Variants in RNLS observed in about 807,000 individuals in gnomAD.
The protein encoded by RNLS is renalase, FAD dependent amine oxidase.
RNLS carries 39 observed loss-of-function variants against 39.8 expected under a neutral mutation model. That is an observed-to-expected ratio of 0.98 (90% CI 0.76 to 1.28). The LOEUF (loss-of-function observed/expected upper bound fraction) is 1.28, where lower values mean the gene tolerates loss of function less well. RNLS is among the 50% of genes most tolerant of loss of function. RNLS has a pLI of 0.00. For synonymous variants in RNLS, 147 were observed against 150.7 expected (o/e 0.98, Z 0.18); for missense variants, 410 against 413.3 (o/e 0.99, Z 0.07).
intron 5 of RNLS, among the ~76,000 whole-genome samples, chr10:88,316,441 G>A (rs898325811): frequency 5.9e-5 from 9 of 152,232 alleles, no homozygotes; most frequent in South Asian, 2.1e-4. Context: ...TCACAGTGAC[G>A]GGGTATCAAT....
chr10:88,462,867 T>C (rs1843006045), intron 4 of RNLS, among the ~76,000 whole-genome samples: 1 of 151,968 alleles, frequency 6.6e-6, no homozygotes, highest in African/African-American at 2.4e-5. Flanking sequence ...AAAAATCAAA[T>C]CAGTATCTCA....
the RNLS span, among the ~76,000 whole-genome samples, chr10:88,218,571 T>A: frequency 3.9e-4 from 59 of 152,194 alleles, 1 homozygote; most frequent in Non-Finnish European, 7.8e-4. Flanking sequence ...CCTGGAATAT[T>A]TGAAAGGGCC....
At chr10:88,244,160 T>G in the RNLS span, among the ~76,000 whole-genome samples, 3 of 152,248 alleles carry the variant, frequency 2.0e-5, no homozygotes, top group Non-Finnish European at 4.4e-5. Flanking sequence ...ATCCGGGGTC[T>G]GCATGCTTCC....
chr10:88,229,009 CA>C, the RNLS span, among the ~76,000 whole-genome samples: 3 of 152,204 alleles, frequency 2.0e-5, no homozygotes, highest in Admixed American at 2.0e-4. Context: ...ACTCCTCAGT[CA>C]ATCAATCAAT....
chr10:88,491,893 C>T (rs1180108925), intron 4 of RNLS, among the ~76,000 whole-genome samples: 1 of 150,722 alleles, frequency 6.6e-6, no homozygotes, highest in African/African-American at 2.4e-5. Context: ...ACCCAATTCT[C>T]ACCCAAAGTG....
chr10:88,384,133 G>T (rs1851719027), intron 4 of RNLS, among the ~76,000 whole-genome samples: 1 of 152,104 alleles, frequency 6.6e-6, no homozygotes, highest in South Asian at 2.1e-4. Context: ...GGCCTAAAAA[G>T]TCTAACATAT....
In RNLS at chr10:88,274,985, CAT is replaced by C; in HGVS notation, c.922_923del (p.Met308AspfsTer35). 1 of 1,613,432 alleles carries C rather than the reference CAT, an allele frequency of 6.2e-7. No homozygotes were observed. ...GTCAGATGGGAAATCCAATCGCCAT[CAT>C]CCAGGGGCTCTTCGCACATCCTAGA... On this transcript the variant is annotated frameshift_variant, in exon 7 of 7. Coordinates refer to the RNLS transcript ENST00000371947. LOFTEE classifies it high-confidence loss of function.
At chr10:88,533,767 G>A (rs2765454) in intron 4 of RNLS, among the ~76,000 whole-genome samples, 36,978 of 151,964 alleles carry the variant, frequency 0.24, 5,476 homozygotes, top group East Asian at 0.47. Flanking sequence ...AGAGAAACAG[G>A]TTTGGTGAGG....
intron 4 of RNLS, among the ~76,000 whole-genome samples, chr10:88,479,043 G>A (rs1444970481): frequency 6.6e-6 from 1 of 151,948 alleles, no homozygotes; most frequent in Non-Finnish European, 1.5e-5. Context: ...TACTTCATAG[G>A]GTTGTTGTGA....
At chr10:88,189,202 G>T in the RNLS span, among the ~76,000 whole-genome samples, 1 of 152,154 alleles carries the variant, frequency 6.6e-6, no homozygotes, top group Non-Finnish European at 1.5e-5. Flanking sequence ...ATAGATAGAT[G>T]AAAGTATTAA....
At chr10:88,280,254 A>T (rs1346606330), downstream of RNLS, among the ~76,000 whole-genome samples, 1 of 152,208 alleles carries the variant, frequency 6.6e-6, no homozygotes, top group Admixed American at 6.6e-5. Context: ...TTTGCCGATG[A>T]CAAAGGAAGC....
the RNLS span, among the ~76,000 whole-genome samples, chr10:88,251,444 T>G: frequency 7.9e-5 from 12 of 152,242 alleles, no homozygotes; most frequent in Non-Finnish European, 1.2e-4. Flanking sequence ...CTTTTATCAT[T>G]GATTAATGCA....
chr10:88,531,566 TG>T (rs1018187399), intron 4 of RNLS, among the ~76,000 whole-genome samples: 1 of 152,028 alleles, frequency 6.6e-6, no homozygotes, highest in African/African-American at 2.4e-5. Context: ...CAAACCACTC[TG>T]TAGATCTCAG....
chr10:88,234,595 G>T, the RNLS span, among the ~76,000 whole-genome samples: 1 of 152,176 alleles, frequency 6.6e-6, no homozygotes, highest in Non-Finnish European at 1.5e-5. Flanking sequence ...GCCAGGGTGG[G>T]TCACGATTCA....
chr10:88,439,555 CT>C (rs1234516626), intron 4 of RNLS, among the ~76,000 whole-genome samples: 1 of 152,174 alleles, frequency 6.6e-6, no homozygotes, highest in African/African-American at 2.4e-5. Context: ...TTAGGGTCAA[CT>C]TTTGGCCAAA....
chr10:88,353,887 G>A (rs2133309432), intron 5 of RNLS, among the ~76,000 whole-genome samples: 1 of 152,184 alleles, frequency 6.6e-6, no homozygotes, highest in Admixed American at 6.5e-5. Context: ...TATGAATCTG[G>A]GTGCTCCTGT....
At chr10:88,301,891 T>C (rs529508977) in intron 6 of RNLS, among the ~76,000 whole-genome samples, 1 of 152,204 alleles carries the variant, frequency 6.6e-6, no homozygotes, top group South Asian at 2.1e-4. Context: ...CATGTGGGCA[T>C]GAAGAGAGGT....
intron 4 of RNLS, among the ~76,000 whole-genome samples, chr10:88,428,851 A>G (rs11816967): frequency 0.17 from 25,105 of 151,950 alleles, 2,738 homozygotes; most frequent in Non-Finnish European, 0.25. Context: ...GCCTGAGTAC[A>G]CAGTGCCAAT....
chr10:88,391,339 CACA>C (rs1158602779), intron 4 of RNLS, among the ~76,000 whole-genome samples: 1 of 152,120 alleles, frequency 6.6e-6, no homozygotes, highest in South Asian at 2.1e-4. Context: ...GCCGGTGGAT[CACA>C]AGGTCAAGAG....
Sources: gnomAD v4.1 joint callset for allele counts (sites outside exome capture counted in the v4.1 genomes callset) on GRCh38, gnomAD v4.1.1 for gene constraint, MANE v1.5 for transcripts, NCBI Gene and HGNC (gene_info 2026-07-23, HGNC 2026-07-21) for gene names.